Variants in PTPRR observed in about 807,000 individuals in gnomAD.
The protein encoded by PTPRR is protein tyrosine phosphatase receptor type R.
In PTPRR, 38 loss-of-function variants were observed where a neutral mutation model predicts 77.2. The ratio of observed to expected loss-of-function variants is 0.49; its 90% CI spans 0.38 to 0.65. The LOEUF is 0.65. Among genes scored for constraint, PTPRR ranks in the 30% least tolerant of loss-of-function variants. The pLI, the probability that PTPRR is intolerant of heterozygous loss-of-function variation, is 0.00. For synonymous variants in PTPRR, 299 were observed against 283.1 expected (o/e 1.06, Z -0.57); for missense variants, 744 against 799.2 (o/e 0.93, Z 0.83).
intron 6 of PTPRR, among the ~76,000 whole-genome samples, chr12:70,727,629 C>G (rs1224646000): frequency 2.0e-5 from 3 of 152,076 alleles, no homozygotes; most frequent in Non-Finnish European, 4.4e-5. Flanking sequence ...CTGGGAAACT[C>G]TAAAGATGTC....
chr12:70,893,042 T>C (rs111477445), intron 1 of PTPRR, 65 bp from the exon 2 acceptor site: 10 of 1,506,144 alleles, frequency 6.6e-6, no homozygotes, highest in Non-Finnish European at 8.1e-6. Context: ...TAGATATATC[T>C]GATGAAGAGG....
intron 2 of PTPRR, among the ~76,000 whole-genome samples, chr12:70,770,465 A>G (rs974876818): frequency 6.6e-6 from 1 of 152,210 alleles, no homozygotes; most frequent in Non-Finnish European, 1.5e-5. Flanking sequence ...ATGAGATACC[A>G]TCTCACACCA....
intron 10 of PTPRR, among the ~76,000 whole-genome samples, chr12:70,669,442 A>G (rs1328668175): frequency 6.8e-6 from 1 of 147,670 alleles, no homozygotes; most frequent in African/African-American, 2.5e-5. Context: ...TTTTATATAT[A>G]TATGCTATTT....
intron 10 of PTPRR, among the ~76,000 whole-genome samples, chr12:70,676,770 ATGTATT>A (rs1197136308): frequency 6.7e-6 from 1 of 149,772 alleles, no homozygotes; most frequent in Non-Finnish European, 1.5e-5. Context: ...CCATTGGTCT[ATGTATT>A]TGTTTTTTTT....
rs749274514 is a variant in PTPRR at position 70,684,219 on chromosome 12, T to C, written c.1405A>G (p.Met469Val). 23 of 1,613,756 alleles carry C rather than the reference T, an allele frequency of 1.4e-5. No individual in the cohort carries two copies. The highest frequency in any genetic ancestry group is 1.9e-5 in the Non-Finnish European group (22 of 1,179,848). The change falls in exon 10 of 14, where the codon ATG becomes GTG. Residue 469 changes from methionine (M) to valine (V), a missense_variant. By Grantham distance (21) the Met-to-Val change is conservative. Transcript: ENST00000283228. ...CAGAAATCATCCACGGTGTTGATCA[T>C]GGGGCCCTGCGTGGCAATGAAGGCT... ...EKAFIATQGP[M>V]INTVDDFWQM...
chr12:70,822,875 T>C (rs537373666), intron 2 of PTPRR, among the ~76,000 whole-genome samples: 14 of 152,154 alleles, frequency 9.2e-5, no homozygotes, highest in Non-Finnish European at 1.6e-4. Context: ...GTAATGTTAA[T>C]AAAATTAAGG....
intron 8 of PTPRR, among the ~76,000 whole-genome samples, chr12:70,691,239 C>A (rs1408028396): frequency 6.6e-6 from 1 of 152,108 alleles, no homozygotes; most frequent in Non-Finnish European, 1.5e-5. Context: ...TGTTGTTAAG[C>A]CCAGTGATCC....
At chr12:70,855,015 C>A (rs1193132958) in intron 2 of PTPRR, among the ~76,000 whole-genome samples, 3 of 152,104 alleles carry the variant, frequency 2.0e-5, no homozygotes, top group Non-Finnish European at 4.4e-5. Context: ...GGGTCCACAG[C>A]AATTTGAAGA....
intron 2 of PTPRR, among the ~76,000 whole-genome samples, chr12:70,874,236 A>G (rs189793095): frequency 6.6e-6 from 1 of 152,322 alleles, no homozygotes; most frequent in African/African-American, 2.4e-5. Flanking sequence ...ATTTTGAACA[A>G]AAAAAGTCCC....
chr12:70,912,837 T>A (rs1199806202), intron 1 of PTPRR, among the ~76,000 whole-genome samples: 2 of 152,124 alleles, frequency 1.3e-5, no homozygotes, highest in Non-Finnish European at 2.9e-5. Context: ...AAAATAATAT[T>A]TTAGCATTAC....
At chr12:70,911,139 T>C (rs2137136406) in intron 1 of PTPRR, among the ~76,000 whole-genome samples, 1 of 152,316 alleles carries the variant, frequency 6.6e-6, no homozygotes, top group African/African-American at 2.4e-5. Flanking sequence ...CCCATACCCA[T>C]GCCCCTCCTT....
chr12:70,638,585 A>G lies in PTPRR; in HGVS notation c.*599T>C, dbSNP rs1885855231. ...GACTATAAATACACATTTAATAGGT[A>G]ATATTATCAAGACACATTTCCATAT... On this transcript the variant is annotated 3_prime_UTR_variant, in exon 14 of 14. Coordinates refer to ENST00000283228, the MANE Select transcript of PTPRR (RefSeq NM_002849.4). The G allele has an allele frequency of 6.5e-6, 1 of 152,844 alleles. No homozygotes were observed. Among genetic ancestry groups the G allele is most frequent in the South Asian group, 2.1e-4 (1 of 4,834 alleles). 9.5% of individuals were successfully genotyped at this position (152,844 alleles called of 1,614,324 possible). A position where few individuals can be genotyped will look rare whatever the true frequency, so the allele number is the denominator to read the frequency against.
chr12:70,793,871 T>C (rs1891464766), intron 2 of PTPRR, among the ~76,000 whole-genome samples: 1 of 152,344 alleles, frequency 6.6e-6, no homozygotes, highest in South Asian at 2.1e-4. Flanking sequence ...CCCTCAGTTC[T>C]TTAGGGATGG....
intron 2 of PTPRR, among the ~76,000 whole-genome samples, chr12:70,870,750 C>A (rs1892945588): frequency 6.6e-6 from 1 of 152,218 alleles, no homozygotes; most frequent in African/African-American, 2.4e-5. Context: ...TCAATTGTAG[C>A]AGCTTCAGAC....
chr12:70,760,438 A>T (rs1304458780), intron 4 of PTPRR, among the ~76,000 whole-genome samples: 1 of 152,194 alleles, frequency 6.6e-6, no homozygotes, highest in Non-Finnish European at 1.5e-5. Context: ...CACACCTGTG[A>T]TACTAAAATG....
intron 2 of PTPRR, among the ~76,000 whole-genome samples, chr12:70,855,999 T>C (rs1892645342): frequency 6.6e-6 from 1 of 152,132 alleles, no homozygotes; most frequent in African/African-American, 2.4e-5. Context: ...ACCCACAGCA[T>C]TTTTTTACTC....
intron 6 of PTPRR, among the ~76,000 whole-genome samples, chr12:70,732,854 C>T (rs1268849204): frequency 2.0e-5 from 3 of 151,756 alleles, no homozygotes; most frequent in East Asian, 2.0e-4. Context: ...CCACTATGCC[C>T]GGCGCATCAT....
chr12:70,696,669 T>G lies in PTPRR; in HGVS notation c.1279+1596A>C, dbSNP rs551746083. ...CATTTCATGTGCCATCACAGCATTT[T>G]TTTTTAAATTTTCACAGAGCTGTGC... On this transcript the variant is annotated intron_variant, in intron 8 of 13. Coordinates refer to ENST00000283228, the MANE Select transcript of PTPRR (RefSeq NM_002849.4). 7.2e-5 allele frequency among the ~76,000 whole-genome samples: 11 copies of G among 152,312 alleles called. No individual in the cohort carries two copies. In the East Asian group the frequency reaches 2.1e-3, roughly 29 times the overall value.
chr12:70,660,834 T>C (rs1176345256), intron 12 of PTPRR, 106 bp downstream of exon 12: 10 of 1,121,570 alleles, frequency 8.9e-6, no homozygotes, highest in South Asian at 3.9e-5. Flanking sequence ...AAATATTTAA[T>C]TTGCCAACAA....
Sources: gnomAD v4.1 joint callset for allele counts (sites outside exome capture counted in the v4.1 genomes callset) on GRCh38, gnomAD v4.1.1 for gene constraint, MANE v1.5 for transcripts, NCBI Gene and HGNC (gene_info 2026-07-23, HGNC 2026-07-21) for gene names.